PCDHGA3: variants seen among roughly 807,000 people sequenced by gnomAD.
PCDHGA3 encodes the protein protocadherin gamma-A3.
In PCDHGA3, 40 loss-of-function variants were observed where a neutral mutation model predicts 58.5. The observed-to-expected ratio is 0.68, with a 90% CI of 0.53 to 0.89. The LOEUF is 0.89. Ranked by LOEUF, PCDHGA3 falls within the 40% of genes least tolerant of loss-of-function variation. The probability of loss-of-function intolerance (pLI) is 0.00; values close to 1 mark genes in which losing one functional copy is unlikely to be tolerated. For missense variants in PCDHGA3, 1,223 were observed against 1,195.9 expected, an observed-to-expected ratio of 1.02 and a Z score of -0.33; for synonymous variants, 530 against 525.7, an observed-to-expected ratio of 1.01 and a Z score of -0.11.
At chr5:141,395,110 G>A (rs2150602560) in intron 1 of PCDHGA3, 1 of 1,614,214 alleles carries the variant, frequency 6.2e-7, no homozygotes, top group Admixed American at 1.7e-5. Context: ...TCGCGGAAGA[G>A]TCACCTGATC....
intron 1 of PCDHGA3, chr5:141,389,817 C>G: frequency 1.2e-6 from 2 of 1,613,870 alleles, no homozygotes; most frequent in Non-Finnish European, 1.7e-6. Context: ...GGTCGCCGTG[C>G]GTGACGGTGG....
In PCDHGA3 at chr5:141,487,562, G is replaced by A. The variant is rs140619162; in HGVS notation, c.2425-7245G>A. The A allele has an allele frequency of 7.7e-5, 125 of 1,614,060 alleles. 1 individual carries two copies. The highest frequency in any genetic ancestry group is 5.7e-4 in the Admixed American group (34 of 60,006). On this transcript the variant is annotated intron_variant, in intron 1 of 3. Transcript: ENST00000253812. The surrounding 1 kb of genome is among the most constrained non-coding windows in gnomAD (Gnocchi z 5.0). ...GAAGTCACCCAGTGCACCTATGGCA[G>A]GGGAGCCTGTTCGCCCAAGCTGCCC...
chr5:141,374,348 A>G (rs756876853), intron 1 of PCDHGA3: 4 of 1,614,028 alleles, frequency 2.5e-6, no homozygotes, highest in Middle Eastern at 1.6e-4. Context: ...CACCGCGGGT[A>G]GGATAGACCG....
chr5:141,383,660 A>G (rs748941284), intron 1 of PCDHGA3: 1 of 1,614,030 alleles, frequency 6.2e-7, no homozygotes, highest in South Asian at 1.1e-5. Flanking sequence ...GTCCCCGAGA[A>G]TGTGCCAGTG....
chr5:141,410,031 AG>A lies in PCDHGA3; in HGVS notation c.2424+63576del, dbSNP rs1303415196. ...GCCTGGCTGTCCTACCACGTGCTGCAGGCCAGTGAGCCCGGACTCTTCAGCC... is the reference window on the plus strand; with the variant it reads ...GCCTGGCTGTCCTACCACGTGCTGCAGCCAGTGAGCCCGGACTCTTCAGCC... On this transcript the variant is annotated intron_variant, in intron 1 of 3. Coordinates refer to ENST00000253812, the MANE Select transcript of PCDHGA3 (RefSeq NM_018916.4). 3.1e-6 allele frequency: 5 copies of A among 1,613,236 alleles called. No homozygotes were observed. In the South Asian group the frequency reaches 5.5e-5, roughly 18 times the overall value.
At chr5:141,375,007 C>A (rs369489853) in intron 1 of PCDHGA3, 1 of 1,614,000 alleles carries the variant, frequency 6.2e-7, no homozygotes, top group East Asian at 2.2e-5. Context: ...CAAATCTAGA[C>A]TATGAGGACT....
At chr5:141,351,936 T>C in intron 1 of PCDHGA3, 1 of 1,613,244 alleles carries the variant, frequency 6.2e-7, no homozygotes, top group Non-Finnish European at 8.5e-7. Flanking sequence ...CCACGGGTGC[T>C]GTACCCCGCG....
At position 141,371,452 on chromosome 5, in the gene PCDHGA3, C is replaced by A. The variant is rs1430739263; in HGVS notation, c.2424+24995C>A. The stretch of plus-strand genomic sequence containing the variant: ...CCGGAGATAACCCTGGCTTCTGAAT[C>A]CCAACATATACAAGAAGATGCTGAG... On this transcript the variant is annotated intron_variant, in intron 1 of 3. Coordinates refer to ENST00000253812, the MANE Select transcript of PCDHGA3 (RefSeq NM_018916.4). 3.7e-6 allele frequency: 6 copies of A among 1,613,858 alleles called. No homozygotes were observed. In the Admixed American group the frequency reaches 8.3e-5, roughly 22 times the overall value.
At chr5:141,498,632 A>G (rs2099784830) in intron 2 of PCDHGA3, among the ~76,000 whole-genome samples, 1 of 152,118 alleles carries the variant, frequency 6.6e-6, no homozygotes, top group South Asian at 2.1e-4. Context: ...CACTGCCTAG[A>G]CAGAAGGAAG....
At chr5:141,364,881 G>A (rs1274418788) in intron 1 of PCDHGA3, 2 of 1,613,898 alleles carry the variant, frequency 1.2e-6, no homozygotes, top group Admixed American at 1.7e-5. Context: ...GATGTGGTAA[G>A]CGGAACTGAT....
intron 1 of PCDHGA3, chr5:141,415,740 G>GTTTTTTTTTTTTTTTTTTTTTTTTT: frequency 1.8e-5 from 11 of 617,990 alleles, no homozygotes; most frequent in Non-Finnish European, 2.4e-5. Context: ...GTTTATTAAG[G>GTTTTTTTTTTTTTTTTTTTTTTTTT]TTTTTTTTTT....
At chr5:141,394,799 A>G in intron 1 of PCDHGA3, 5 of 1,613,808 alleles carry the variant, frequency 3.1e-6, no homozygotes, top group Admixed American at 1.7e-5. Context: ...CGCTCACCGT[A>G]GCCGTGGCTG....
intron 1 of PCDHGA3, chr5:141,421,800 G>A: frequency 6.2e-7 from 1 of 1,613,846 alleles, no homozygotes; most frequent in Non-Finnish European, 8.5e-7. Context: ...ATGGGGCCAA[G>A]AATCCAGAGC....
intron 1 of PCDHGA3, chr5:141,410,562 C>A (rs748563687): frequency 1.9e-6 from 3 of 1,612,718 alleles, no homozygotes; most frequent in Non-Finnish European, 2.5e-6. Context: ...TCTCCTGGAG[C>A]CTTAATTCCA....
chr5:141,469,005 G>A (rs1011079995), intron 1 of PCDHGA3, among the ~76,000 whole-genome samples: 7 of 151,814 alleles, frequency 4.6e-5, no homozygotes, highest in South Asian at 2.1e-4. Context: ...TGCTGGGTGC[G>A]GTGGGTCACT....
At chr5:141,388,376 C>T in intron 1 of PCDHGA3, 3 of 1,613,944 alleles carry the variant, frequency 1.9e-6, no homozygotes, top group Non-Finnish European at 2.5e-6. Context: ...ATATTGGTAG[C>T]AACACACTGC....
At chr5:141,362,994 C>A (rs1023697492) in intron 1 of PCDHGA3, among the ~76,000 whole-genome samples, 1 of 152,232 alleles carries the variant, frequency 6.6e-6, no homozygotes, top group East Asian at 1.9e-4. Flanking sequence ...AATGGCATGG[C>A]TTGTTAATCA....
In PCDHGA3 at chr5:141,512,443, CCTT is replaced by C. The variant is rs1263805618; in HGVS notation, c.*1272_*1274del. On this transcript the variant is annotated 3_prime_UTR_variant, in exon 4 of 4. Coordinates refer to ENST00000253812, the MANE Select transcript of PCDHGA3 (RefSeq NM_018916.4). ...GCCCCTGCCCTCCTGAAGCCTCAGT[CCTT>C]CACCTTGCCAGGTGCCGTTTCTCTT... The C allele has an allele frequency of 1.3e-5, 2 of 152,896 alleles. No homozygotes were observed. The highest frequency in any genetic ancestry group is 4.8e-5 in the African/African-American group (2 of 41,468). 9.5% of individuals were successfully genotyped at this position (152,896 alleles called of 1,614,324 possible).
In PCDHGA3 at chr5:141,346,155, G is replaced by A. The variant is rs753087531; in HGVS notation, c.2122G>A (p.Val708Ile). ...GGTCTCCTGCGTCTTCCTGGCCTTC[G>A]TCATCGTGCTGCTGGCGCTCAGGCT... ...AAVSCVFLAF[V>I]IVLLALRLRR... The change falls in exon 1 of 4, where the codon GTC (valine) becomes ATC (isoleucine). Residue 708 changes from valine to isoleucine, a missense_variant. Transcript: ENST00000253812. The A allele has an allele frequency of 6.8e-6, 11 of 1,613,870 alleles. No homozygotes were observed. Among genetic ancestry groups the A allele is most frequent in the Non-Finnish European group, 9.3e-6 (11 of 1,179,946 alleles).
Sources: gnomAD v4.1 joint callset for allele counts (sites outside exome capture counted in the v4.1 genomes callset) on GRCh38, gnomAD v4.1.1 for gene constraint, Gnocchi (gnomAD v3.1) non-coding constraint, MANE v1.5 for transcripts, NCBI Gene and HGNC (gene_info 2026-07-23, HGNC 2026-07-21) for gene names.